SRGAP2C: variants seen among roughly 807,000 people sequenced by gnomAD.
SRGAP2C encodes the protein SLIT-ROBO Rho GTPase activating protein 2C.
In SRGAP2C, 15 loss-of-function variants were observed where a neutral mutation model predicts 25.1. That is an observed-to-expected ratio of 0.60 (90% CI 0.40 to 0.92). SRGAP2C has a LOEUF of 0.92. SRGAP2C is among the 40% of genes least tolerant of loss of function. The probability of loss-of-function intolerance (pLI) is 0.00; values close to 1 mark genes in which losing one functional copy is unlikely to be tolerated. For missense variants in SRGAP2C, 144 were observed against 264.4 expected (o/e 0.54, Z 3.16); for synonymous variants, 44 against 96.6 (o/e 0.46, Z 3.19).
intron 3 of SRGAP2C, among the ~76,000 whole-genome samples, chr1:121,288,640 C>T (rs1237517859): frequency 1.3e-5 from 1 of 76,308 alleles, no homozygotes; most frequent in Non-Finnish European, 2.7e-5. Context: ...ACACAGGGTG[C>T]TGATTGGTGT....
intron 2 of SRGAP2C, among the ~76,000 whole-genome samples, chr1:121,265,192 CTG>C (rs1656742419): frequency 6.9e-6 from 1 of 144,714 alleles, no homozygotes; most frequent in South Asian, 2.2e-4. Context: ...AAGTGAGACT[CTG>C]TCTCAAAAAA....
chr1:121,233,019 C>T, intron 2 of SRGAP2C, among the ~76,000 whole-genome samples: 1 of 117,372 alleles, frequency 8.5e-6, no homozygotes, highest in Non-Finnish European at 1.8e-5. Flanking sequence ...GTAGGATTAC[C>T]TTTAGCCCTC....
chr1:121,219,330 CT>C (rs1655474000), intron 2 of SRGAP2C, among the ~76,000 whole-genome samples: 1 of 108,740 alleles, frequency 9.2e-6, no homozygotes, highest in Non-Finnish European at 1.8e-5. Context: ...TGTTTCTCTC[CT>C]TTTTGCCTCT....
intron 3 of SRGAP2C, among the ~76,000 whole-genome samples, chr1:121,291,111 C>CAAAAA (rs1166238475): frequency 9.9e-6 from 1 of 101,510 alleles, no homozygotes. Context: ...AAAGTAAGAG[C>CAAAAA]AAAAAAAAAA....
intron 2 of SRGAP2C, among the ~76,000 whole-genome samples, chr1:121,192,335 T>C (rs1207612203): frequency 1.3e-5 from 2 of 152,216 alleles, no homozygotes; most frequent in Non-Finnish European, 2.9e-5. Flanking sequence ...GCTATCATTT[T>C]CCCACAAGAT....
intron 3 of SRGAP2C, among the ~76,000 whole-genome samples, chr1:121,291,029 G>C (rs1384896147): frequency 3.1e-5 from 4 of 130,370 alleles, no homozygotes; most frequent in Non-Finnish European, 5.0e-5. Context: ...GGGTCCTCTG[G>C]GTTCTTAGGT....
At chr1:121,285,111 G>C (rs1425819088) in intron 3 of SRGAP2C, 116 bp downstream of exon 3, 1 of 479,118 alleles carries the variant, frequency 2.1e-6, no homozygotes, top group East Asian at 3.3e-5. Context: ...GCTTCAGATT[G>C]GTTGAAAGCC....
At chr1:121,340,781 C>T (rs1658635562) in intron 4 of SRGAP2C, among the ~76,000 whole-genome samples, 2 of 151,134 alleles carry the variant, frequency 1.3e-5, no homozygotes, top group Non-Finnish European at 2.9e-5. Flanking sequence ...ACAGAAATAT[C>T]TTTTGAGGAT....
At chr1:121,250,172 A>G (rs1387885656) in intron 2 of SRGAP2C, among the ~76,000 whole-genome samples, 1 of 62,828 alleles carries the variant, frequency 1.6e-5, no homozygotes, top group African/African-American at 7.0e-5. Context: ...CAAACCAGAT[A>G]GTAGGAGAGT....
At chr1:121,272,504 T>C (rs1428494645) in intron 2 of SRGAP2C, among the ~76,000 whole-genome samples, 1 of 151,742 alleles carries the variant, frequency 6.6e-6, no homozygotes, top group Admixed American at 6.6e-5. Context: ...AAAAAGGTGG[T>C]TCCCCCTCTT....
chr1:121,322,939 A>G (rs1553341292), intron 3 of SRGAP2C, among the ~76,000 whole-genome samples: 46 of 152,252 alleles, frequency 3.0e-4, no homozygotes, highest in Non-Finnish European at 5.9e-4. Flanking sequence ...GAAAGGGGGA[A>G]AGAAACAGAT....
chr1:121,202,387 A>G (rs1386531347), intron 2 of SRGAP2C, among the ~76,000 whole-genome samples: 1 of 149,798 alleles, frequency 6.7e-6, no homozygotes, highest in Non-Finnish European at 1.5e-5. Context: ...TCATGAGCTA[A>G]TTTCAACCTG....
rs1570815089 is a variant in SRGAP2C, at chr1:121,368,032, T to C, written c.486+2677T>C. On this transcript the variant is annotated intron_variant, in intron 5 of 9. Transcript: ENST00000367123. ...CAGAGCTTGCAGTGAGCCGAGATTG[T>C]GCCACTGCACTCCAGCCTGGGCAAC... Among the ~76,000 whole-genome samples, 2 of 111,460 alleles carry C rather than the reference T, an allele frequency of 1.8e-5. 1 individual carries two copies. The highest frequency in any genetic ancestry group is 5.9e-4 in the East Asian group (2 of 3,386). The allele number at this position is 111,460 out of a possible 152,430, so 73.1% of individuals were successfully genotyped here. A position where few individuals can be genotyped will look rare whatever the true frequency, so the allele number is the denominator to read the frequency against.
At chr1:121,217,281 C>A (rs1655413632) in intron 2 of SRGAP2C, among the ~76,000 whole-genome samples, 1 of 146,794 alleles carries the variant, frequency 6.8e-6, no homozygotes, top group African/African-American at 2.5e-5. Flanking sequence ...ATTTGGGTAC[C>A]ATTCTGTAGG....
intron 2 of SRGAP2C, among the ~76,000 whole-genome samples, chr1:121,199,704 A>C (rs1456991462): frequency 7.4e-5 from 10 of 134,470 alleles, no homozygotes; most frequent in Non-Finnish European, 1.3e-4. Flanking sequence ...CTGAGGCAGG[A>C]GAATTGCTTG....
intron 5 of SRGAP2C, among the ~76,000 whole-genome samples, chr1:121,370,311 A>G (rs1397817695): frequency 7.2e-6 from 1 of 138,228 alleles, no homozygotes; most frequent in Non-Finnish European, 1.6e-5. Context: ...GAAGTTCAGT[A>G]TACCCCTATC....
rs1425847894 is a variant in SRGAP2C at position 121,391,994 on chromosome 1, G to A, written c.*4139G>A. ...GAATCAGAAAAAATATTAAAAAGTA[G>A]GAATATCAGCAAAGAGATAACAAAT... is the stretch of plus-strand genomic sequence containing the variant. On this transcript the variant is annotated 3_prime_UTR_variant, in exon 10 of 10. Transcript: ENST00000367123. 1.3e-5 allele frequency: 2 copies of A among 152,208 alleles called. No individual in the cohort carries two copies. Among genetic ancestry groups the A allele is most frequent in the Non-Finnish European group, 2.9e-5 (2 of 68,040 alleles). 9.4% of individuals were successfully genotyped at this position (152,208 alleles called of 1,614,324 possible).
chr1:121,222,717 G>A (rs1431472342), intron 2 of SRGAP2C, among the ~76,000 whole-genome samples: 1 of 152,234 alleles, frequency 6.6e-6, no homozygotes, highest in Non-Finnish European at 1.5e-5. Flanking sequence ...GGTGTTCATA[G>A]TTAGGTACTA....
chr1:121,349,462 AACTAGATG>A (rs1658850121), intron 4 of SRGAP2C, among the ~76,000 whole-genome samples: 1 of 143,940 alleles, frequency 6.9e-6, no homozygotes, highest in Admixed American at 7.0e-5. Context: ...ATGTCTCAGG[AACTAGATG>A]CCCAAATCTT....
Sources: allele counts gnomAD v4.1 joint callset (sites outside exome capture counted in the v4.1 genomes callset), GRCh38; gene constraint gnomAD v4.1.1; transcripts MANE v1.5; gene names NCBI Gene and HGNC (gene_info 2026-07-23, HGNC 2026-07-21).